Variants in CNTN5 observed in about 807,000 individuals in gnomAD.
The protein encoded by CNTN5 is contactin-5.
In CNTN5, 77 loss-of-function variants were observed where a neutral mutation model predicts 129.1. The observed-to-expected ratio is 0.60, with a 90% CI of 0.50 to 0.72. CNTN5 has a LOEUF of 0.72. Ranked by LOEUF, CNTN5 falls within the 30% of genes least tolerant of loss-of-function variation. The probability of loss-of-function intolerance (pLI) is 0.00; values close to 1 mark genes in which losing one functional copy is unlikely to be tolerated. For synonymous variants in CNTN5, 509 were observed against 465.6 expected, an observed-to-expected ratio of 1.09 and a Z score of -1.20; for missense variants, 1,478 against 1,328.8, an observed-to-expected ratio of 1.11 and a Z score of -1.75.
At position 99,099,505 on chromosome 11, in the gene CNTN5, T is replaced by C. The variant is rs147577709; in HGVS notation, c.-210+78235T>C. ...TTAATTCCATTACATAGTCACACTG[T>C]GTCACCCCAGGAACGTCTTTACAGC... On this transcript the variant is annotated intron_variant, in intron 1 of 24. Transcript: ENST00000524871. 1.3e-3 allele frequency among the ~76,000 whole-genome samples: 191 copies of C among 151,978 alleles called. 1 individual carries two copies. The highest frequency in any genetic ancestry group is 4.3e-3 in the African/African-American group (180 of 41,460).
intron 2 of CNTN5, among the ~76,000 whole-genome samples, chr11:99,363,818 C>G (rs1236624456): frequency 6.6e-6 from 1 of 152,104 alleles, no homozygotes; most frequent in Non-Finnish European, 1.5e-5. Context: ...AATAATCTTT[C>G]ATAGTTATGA....
At chr11:99,098,286 A>T (rs893713485) in intron 1 of CNTN5, among the ~76,000 whole-genome samples, 1 of 152,098 alleles carries the variant, frequency 6.6e-6, no homozygotes, top group Non-Finnish European at 1.5e-5. Flanking sequence ...CATCAGGCAT[A>T]TGGTATTATT....
In CNTN5 at chr11:99,667,481, A is replaced by T. The variant is rs184767692; in HGVS notation, c.55+111212A>T. The stretch of plus-strand genomic sequence containing the variant: ...ATAGTAAAGTTGTATATACAAGTTA[A>T]ATAAAATTTTGGCTCTGTTTATTGT... On this transcript the variant is annotated intron_variant, in intron 3 of 24. Coordinates refer to ENST00000524871, the MANE Select transcript of CNTN5 (RefSeq NM_014361.4). Among the ~76,000 whole-genome samples the T allele has an allele frequency of 2.8e-3, 430 of 152,330 alleles. 4 individuals are homozygous for T. The highest frequency in any genetic ancestry group is 9.8e-3 in the African/African-American group (406 of 41,580).
chr11:99,391,780 T>G (rs962206734), intron 2 of CNTN5, among the ~76,000 whole-genome samples: 12 of 152,000 alleles, frequency 7.9e-5, no homozygotes, highest in African/African-American at 2.9e-4. Flanking sequence ...TCTGATCACA[T>G]AAAAACATTT....
At chr11:99,751,579 A>C (rs1285417458) in intron 3 of CNTN5, among the ~76,000 whole-genome samples, 3 of 152,190 alleles carry the variant, frequency 2.0e-5, no homozygotes, top group Non-Finnish European at 4.4e-5. Context: ...CATTCCGTGC[A>C]TAGTACAGTT....
chr11:100,137,755 A>G (rs1417380047), intron 13 of CNTN5, among the ~76,000 whole-genome samples: 1 of 152,162 alleles, frequency 6.6e-6, no homozygotes, highest in African/African-American at 2.4e-5. Flanking sequence ...AAATGCAATT[A>G]GGATATGATT....
intron 7 of CNTN5, among the ~76,000 whole-genome samples, chr11:99,942,892 T>A (rs1189036390): frequency 6.6e-6 from 1 of 151,976 alleles, no homozygotes; most frequent in Non-Finnish European, 1.5e-5. Flanking sequence ...ATTCCATATG[T>A]ACCACATATG....
At chr11:99,580,017 T>G (rs954421751) in intron 3 of CNTN5, among the ~76,000 whole-genome samples, 2 of 97,252 alleles carry the variant, frequency 2.1e-5, no homozygotes, top group South Asian at 5.1e-4. Context: ...CAATATCTAA[T>G]TTATTGAGAG....
At chr11:99,162,163 G>C (rs1394888002) in intron 1 of CNTN5, among the ~76,000 whole-genome samples, 1 of 152,034 alleles carries the variant, frequency 6.6e-6, no homozygotes, top group African/African-American at 2.4e-5. Context: ...ACTAAAAAGA[G>C]CTATCTTGTC....
intron 1 of CNTN5, among the ~76,000 whole-genome samples, chr11:99,309,472 A>T (rs1393420595): frequency 6.6e-6 from 1 of 152,216 alleles, no homozygotes; most frequent in Non-Finnish European, 1.5e-5. Flanking sequence ...AAGACTCTTG[A>T]TTCTTCACTT....
intron 13 of CNTN5, among the ~76,000 whole-genome samples, chr11:100,183,471 T>A (rs1211299301): frequency 6.6e-6 from 1 of 152,174 alleles, no homozygotes; most frequent in Non-Finnish European, 1.5e-5. Context: ...AATCTCAATT[T>A]AATTATGCCA....
chr11:99,038,330 A>T (rs980960453), intron 1 of CNTN5, among the ~76,000 whole-genome samples: 5 of 152,218 alleles, frequency 3.3e-5, no homozygotes, highest in African/African-American at 1.2e-4. Flanking sequence ...ATACACATTG[A>T]TGTTTTGATA....
intron 2 of CNTN5, among the ~76,000 whole-genome samples, chr11:99,439,138 T>TA (rs748163522): frequency 2.6e-5 from 4 of 152,044 alleles, no homozygotes; most frequent in African/African-American, 7.2e-5. Context: ...GGGAGAGAAA[T>TA]AAGCTCATAT....
intron 6 of CNTN5, among the ~76,000 whole-genome samples, chr11:99,886,701 A>C (rs1948909946): frequency 6.6e-6 from 1 of 152,222 alleles, no homozygotes; most frequent in Admixed American, 6.5e-5. Context: ...TGGATTAAAA[A>C]AATACAGTAC....
chr11:99,294,770 TCGA>T (rs1346999498), intron 1 of CNTN5, among the ~76,000 whole-genome samples: 2 of 152,218 alleles, frequency 1.3e-5, no homozygotes, highest in African/African-American at 4.8e-5. Context: ...GACACCACTG[TCGA>T]CGACGTTCAG....
intron 2 of CNTN5, among the ~76,000 whole-genome samples, chr11:99,450,174 A>G (rs1944240831): frequency 6.6e-6 from 1 of 151,962 alleles, no homozygotes; most frequent in Admixed American, 6.6e-5. Flanking sequence ...TTTAGTTAAG[A>G]AAATGAAGAT....
chr11:100,059,535 A>T (rs1943375336), intron 9 of CNTN5, among the ~76,000 whole-genome samples: 1 of 151,208 alleles, frequency 6.6e-6, no homozygotes, highest in Non-Finnish European at 1.5e-5. Flanking sequence ...TAATAAAAAA[A>T]ACATAAGCAA....
intron 9 of CNTN5, among the ~76,000 whole-genome samples, chr11:100,056,051 T>C (rs1943207998): frequency 6.6e-6 from 1 of 151,714 alleles, no homozygotes; most frequent in South Asian, 2.1e-4. Context: ...TCTTCAACTA[T>C]GTCTAATTTG....
intron 7 of CNTN5, among the ~76,000 whole-genome samples, chr11:99,946,526 T>C (rs1296882736): frequency 2.0e-5 from 3 of 152,072 alleles, no homozygotes; most frequent in African/African-American, 7.2e-5. Context: ...ACTGACAGTA[T>C]GGGAACTGAC....
Sources: allele counts gnomAD v4.1 joint callset (sites outside exome capture counted in the v4.1 genomes callset), GRCh38; gene constraint gnomAD v4.1.1; transcripts MANE v1.5; gene names NCBI Gene and HGNC (gene_info 2026-07-23, HGNC 2026-07-21).